The following INPP5A variants were observed in gnomAD, a reference collection of about 807,000 sequenced individuals.
INPP5A encodes the protein 43 kDa inositol polyphosphate 5-phophatase.
INPP5A carries 14 observed loss-of-function variants against 65.2 expected under a neutral mutation model. The observed-to-expected ratio is 0.21, with a 90% confidence interval of 0.14 to 0.34. The LOEUF (loss-of-function observed/expected upper bound fraction) is 0.34. Ranked by LOEUF, INPP5A falls within the 10% of genes least tolerant of loss-of-function variation. The pLI, the probability that INPP5A is intolerant of heterozygous loss-of-function variation, is 1.00. For synonymous variants in INPP5A, 207 were observed against 208.3 expected (o/e 0.99, Z 0.05); for missense variants, 431 against 545.6 (o/e 0.79, Z 2.09).
chr10:132,658,723 C>T (rs1228966896), intron 4 of INPP5A, among the ~76,000 whole-genome samples: 1 of 152,032 alleles, frequency 6.6e-6, no homozygotes, highest in Non-Finnish European at 1.5e-5. Context: ...TCTAGGCCCT[C>T]TGGGCTCCAA....
intron 9 of INPP5A, among the ~76,000 whole-genome samples, chr10:132,744,991 C>T (rs1846343360): frequency 6.6e-6 from 1 of 152,172 alleles, no homozygotes; most frequent in South Asian, 2.1e-4. Flanking sequence ...GCCCGGGCTG[C>T]CCGCCTCTCC....
At chr10:132,721,064 G>T (rs562204008) in intron 8 of INPP5A, among the ~76,000 whole-genome samples, 2 of 147,548 alleles carry the variant, frequency 1.4e-5, no homozygotes, top group Non-Finnish European at 3.0e-5. Context: ...TTAGATGGCT[G>T]TCTTCAGGGT....
At chr10:132,781,595 AT>A (rs963357217) in intron 14 of INPP5A, among the ~76,000 whole-genome samples, 7 of 152,064 alleles carry the variant, frequency 4.6e-5, no homozygotes, top group Non-Finnish European at 7.4e-5. Context: ...TTTTCCATTA[AT>A]TTTTTTACCT....
At chr10:132,769,543 T>C (rs1846912734) in intron 12 of INPP5A, among the ~76,000 whole-genome samples, 1 of 152,360 alleles carries the variant, frequency 6.6e-6, no homozygotes, top group South Asian at 2.1e-4. Context: ...GTTAAAGCTC[T>C]ACACGTGTGC....
chr10:132,571,124 G>C (rs1254512544), intron 1 of INPP5A, among the ~76,000 whole-genome samples: 1 of 152,258 alleles, frequency 6.6e-6, no homozygotes, highest in Non-Finnish European at 1.5e-5. Context: ...CGTGGGCTCC[G>C]CCCTGGGCCC....
chr10:132,777,923 T>G, intron 13 of INPP5A, 141 bp downstream of exon 13: 1 of 1,485,540 alleles, frequency 6.7e-7, no homozygotes, highest in Non-Finnish European at 8.9e-7. Context: ...GACCTCGTGC[T>G]GCCATGAGCT....
chr10:132,602,760 G>A (rs1051306406), intron 1 of INPP5A, among the ~76,000 whole-genome samples: 2 of 152,310 alleles, frequency 1.3e-5, no homozygotes, highest in South Asian at 2.1e-4. Flanking sequence ...GTGTTGAATG[G>A]TAGTGATGAG....
chr10:132,781,257 T>C lies in INPP5A; in HGVS notation c.1158+340T>C, dbSNP rs936894308. 2.6e-5 allele frequency among the ~76,000 whole-genome samples: 4 copies of C among 152,226 alleles called. No individual in the cohort carries two copies. In the South Asian group the frequency reaches 8.3e-4, roughly 32 times the overall value. On this transcript the variant is annotated intron_variant, in intron 14 of 15. Transcript: ENST00000368594. The stretch of plus-strand genomic sequence containing the variant: ...GAAGGCTGTTTTGCAAATATGCAGC[T>C]TCAGTGTTTTAATGGCCTTCTTGGG...
intron 9 of INPP5A, among the ~76,000 whole-genome samples, chr10:132,730,243 G>A (rs138743209): frequency 1.1e-4 from 16 of 152,180 alleles, no homozygotes; most frequent in Non-Finnish European, 2.2e-4. Context: ...GCCCTGGACC[G>A]GCCAGGCCCC....
chr10:132,654,784 G>C (rs567134357), intron 4 of INPP5A, among the ~76,000 whole-genome samples: 1 of 152,264 alleles, frequency 6.6e-6, no homozygotes, highest in Non-Finnish European at 1.5e-5. Flanking sequence ...TCAGAAAATA[G>C]TGGCCTGTTC....
At chr10:132,607,783 T>C in intron 1 of INPP5A, 132 bp from the exon 2 acceptor site, 1 of 854,636 alleles carries the variant, frequency 1.2e-6, no homozygotes, top group Non-Finnish European at 1.9e-6. Context: ...CGGGTGGAGC[T>C]CCTCCATGCG....
intron 11 of INPP5A, among the ~76,000 whole-genome samples, chr10:132,758,364 C>A (rs1846668548): frequency 1.4e-5 from 2 of 143,146 alleles, no homozygotes; most frequent in Admixed American, 1.4e-4. Flanking sequence ...CCCGGCCGAC[C>A]CCACAGGCCA....
chr10:132,763,692 AACAC>A (rs201925399), intron 11 of INPP5A, among the ~76,000 whole-genome samples: 2 of 149,452 alleles, frequency 1.3e-5, no homozygotes, highest in Admixed American at 6.7e-5. Flanking sequence ...CCTGCATGCA[AACAC>A]ACACATGCCT....
At chr10:132,752,671 G>A (rs1464768580) in intron 11 of INPP5A, among the ~76,000 whole-genome samples, 1 of 133,098 alleles carries the variant, frequency 7.5e-6, no homozygotes, top group Non-Finnish European at 1.6e-5. Context: ...AGGGGCACGG[G>A]GCGTGGAGGG....
intron 1 of INPP5A, among the ~76,000 whole-genome samples, chr10:132,563,810 C>T (rs2133273236): frequency 6.6e-6 from 1 of 152,318 alleles, no homozygotes; most frequent in Non-Finnish European, 1.5e-5. Context: ...GGATTTATAA[C>T]TCGCCTTCTC....
intron 8 of INPP5A, among the ~76,000 whole-genome samples, chr10:132,715,697 C>T (rs945500916): frequency 1.2e-4 from 19 of 152,370 alleles, no homozygotes; most frequent in African/African-American, 4.1e-4. Context: ...AAGGCAAACT[C>T]GGCATTAAAG....
chr10:132,655,394 A>G (rs1210528168), intron 4 of INPP5A, among the ~76,000 whole-genome samples: 1 of 152,158 alleles, frequency 6.6e-6, no homozygotes, highest in Non-Finnish European at 1.5e-5. Flanking sequence ...AGGCCTCGAC[A>G]CTGAAGAAGT....
At chr10:132,560,788 G>A (rs1335526357) in intron 1 of INPP5A, among the ~76,000 whole-genome samples, 1 of 152,016 alleles carries the variant, frequency 6.6e-6, no homozygotes, top group Non-Finnish European at 1.5e-5. Flanking sequence ...AAAAGTTTTA[G>A]TTTGTAAATA....
At chr10:132,677,439 G>A (rs1173829620) in intron 4 of INPP5A, among the ~76,000 whole-genome samples, 1 of 152,230 alleles carries the variant, frequency 6.6e-6, no homozygotes, top group Non-Finnish European at 1.5e-5. Flanking sequence ...GAATGTGAGT[G>A]GTGACTGAAT....
Sources: gnomAD v4.1 joint callset for allele counts (sites outside exome capture counted in the v4.1 genomes callset) on GRCh38, gnomAD v4.1.1 for gene constraint, MANE v1.5 for transcripts, NCBI Gene and HGNC (gene_info 2026-07-23, HGNC 2026-07-21) for gene names.